The following WNK1 variants were observed in gnomAD, a reference collection of about 807,000 sequenced individuals.
The protein encoded by WNK1 is serine/threonine-protein kinase WNK1.
Under a neutral mutation model 222.8 loss-of-function variants are expected in WNK1, and 38 were observed. That is an observed-to-expected ratio of 0.17 (90% confidence interval 0.13 to 0.22). The LOEUF (loss-of-function observed/expected upper bound fraction) is 0.22. Ranked by LOEUF, WNK1 falls within the 10% of genes least tolerant of loss-of-function variation. The pLI, the probability that WNK1 is intolerant of heterozygous loss-of-function variation, is 1.00. For missense variants in WNK1, 2,348 were observed against 2,918.4 expected (o/e 0.80, Z 4.50); for synonymous variants, 1,090 against 1,092.9 (o/e 1.00, Z 0.05).
chr12:908,765 C>T lies in WNK1; in HGVS notation c.7122C>T (p.Pro2374=). The change falls in exon 28 of 28, where the codon CCC becomes CCT. Residue 2374 remains proline (P), a synonymous_variant. Transcript: ENST00000315939. Reference sequence around the variant, plus strand: ...ATTTGCAGAAATCCATCAGCAACCCCCCAGGCTCCAACCTGCGGACCACTT... The same window carrying T: ...ATTTGCAGAAATCCATCAGCAACCCTCCAGGCTCCAACCTGCGGACCACTT... ...ISNLQKSISN[P]PGSNLRTT The T allele has an allele frequency of 1.9e-6, 3 of 1,613,830 alleles. No individual in the cohort carries two copies.
intron 1 of WNK1, among the ~76,000 whole-genome samples, chr12:771,557 C>G (rs1326261741): frequency 6.6e-6 from 1 of 152,128 alleles, no homozygotes; most frequent in African/African-American, 2.4e-5. Flanking sequence ...GACCCAGCCT[C>G]CTGAGTAGCT....
chr12:831,712 A>G (rs1302045119), intron 4 of WNK1, among the ~76,000 whole-genome samples: 2 of 152,040 alleles, frequency 1.3e-5, no homozygotes, highest in Non-Finnish European at 2.9e-5. Flanking sequence ...ATGAATTAAC[A>G]TTTTTAAACT....
chr12:911,315 C>G lies in WNK1; in HGVS notation c.*2523C>G. On this transcript the variant is annotated 3_prime_UTR_variant, in exon 28 of 28. Coordinates refer to ENST00000315939, the MANE Select transcript of WNK1 (RefSeq NM_018979.4). ...AAAAATTCAAACTTTGGGGGTTTCTCAGCAGCCGTTAATTGTACATTTTGC... is the reference window on the plus strand; with the variant it reads ...AAAAATTCAAACTTTGGGGGTTTCTGAGCAGCCGTTAATTGTACATTTTGC... 5.0e-6 allele frequency: 2 copies of G among 398,556 alleles called. No individual in the cohort carries two copies. The highest frequency in any genetic ancestry group is 8.8e-6 in the Non-Finnish European group (2 of 226,076). 24.7% of individuals were successfully genotyped at this position (398,556 alleles called of 1,614,324 possible).
chr12:810,993 C>T (rs986068289), intron 1 of WNK1, among the ~76,000 whole-genome samples: 1 of 151,942 alleles, frequency 6.6e-6, no homozygotes, highest in African/African-American at 2.4e-5. Context: ...AAGAAATGAA[C>T]GAAATGAATA....
At chr12:759,096 C>A (rs1399596563) in intron 1 of WNK1, among the ~76,000 whole-genome samples, 1 of 146,948 alleles carries the variant, frequency 6.8e-6, no homozygotes. Context: ...ACTGGGCTCT[C>A]ATTTTCAGAA....
At chr12:873,214 G>GT (rs1952310191) in intron 9 of WNK1, among the ~76,000 whole-genome samples, 1 of 152,110 alleles carries the variant, frequency 6.6e-6, no homozygotes, top group African/African-American at 2.4e-5. Flanking sequence ...AAAGGAATTG[G>GT]TTATCTGTCT....
intron 1 of WNK1, among the ~76,000 whole-genome samples, chr12:794,891 A>T (rs1030269169): frequency 1.3e-5 from 2 of 152,216 alleles, no homozygotes; most frequent in Non-Finnish European, 2.9e-5. Context: ...AGCTAAGACT[A>T]TGGGTGCGTA....
chr12:762,626 T>C (rs1190000333), intron 1 of WNK1, among the ~76,000 whole-genome samples: 1 of 147,338 alleles, frequency 6.8e-6, no homozygotes, highest in Non-Finnish European at 1.5e-5. Context: ...GAGAAGTTAA[T>C]TGGTTAGATT....
chr12:772,105 A>G (rs1215316461), intron 1 of WNK1, among the ~76,000 whole-genome samples: 1 of 152,198 alleles, frequency 6.6e-6, no homozygotes, highest in Non-Finnish European at 1.5e-5. Flanking sequence ...TTCATACACA[A>G]AAAAGATGCT....
At chr12:859,491 T>C (rs1242967454) in intron 6 of WNK1, 27 bp downstream of exon 6, 2 of 1,566,112 alleles carry the variant, frequency 1.3e-6, no homozygotes, top group South Asian at 1.1e-5. Context: ...CATTTTAAAA[T>C]TGATTTAGAC....
intron 1 of WNK1, among the ~76,000 whole-genome samples, chr12:802,127 G>T (rs1213824678): frequency 6.6e-6 from 1 of 152,090 alleles, no homozygotes; most frequent in Non-Finnish European, 1.5e-5. Context: ...TCCAAAATAT[G>T]GTACATATAC....
At chr12:845,142 G>A (rs904373672) in intron 4 of WNK1, among the ~76,000 whole-genome samples, 63 of 151,906 alleles carry the variant, frequency 4.1e-4, no homozygotes, top group African/African-American at 1.4e-3. Flanking sequence ...TGATCCGCCC[G>A]CCTCAGCCTC....
intron 4 of WNK1, among the ~76,000 whole-genome samples, chr12:852,291 A>G (rs1473746923): frequency 6.6e-6 from 1 of 152,178 alleles, no homozygotes; most frequent in Non-Finnish European, 1.5e-5. Flanking sequence ...TCGGACTCTC[A>G]ATGTGCTATT....
Position 827,609 on chromosome 12 carries a change from A to T in WNK1, c.1153+347A>T. On this transcript the variant is annotated intron_variant, in intron 3 of 27. Transcript: ENST00000315939. This position sits in a 1 kb window ranked among gnomAD's most constrained non-coding sequence, Gnocchi z 4.6. ...AGTGGCACAATCTCAGCTCACTGCA[A>T]CCTCCACCCACCGGGTTCAAGCGAT... is the stretch of plus-strand genomic sequence containing the variant. The T allele has an allele frequency of 3.7e-6, 1 of 269,384 alleles. No individual in the cohort carries two copies. The highest frequency in any genetic ancestry group is 7.2e-5 in the South Asian group (1 of 13,906). The allele number at this position is 269,384 out of a possible 1,614,324, so 16.7% of individuals were successfully genotyped here.
intron 4 of WNK1, among the ~76,000 whole-genome samples, chr12:852,035 A>G (rs779752645): frequency 1.3e-5 from 2 of 152,144 alleles, no homozygotes; most frequent in Non-Finnish European, 2.9e-5. Flanking sequence ...GTTAATGTTA[A>G]TGTTACCCTA....
In WNK1 at chr12:764,831, A is replaced by G. The variant is rs746873623; in HGVS notation, c.759+10507A>G. 1.1e-4 allele frequency among the ~76,000 whole-genome samples: 16 copies of G among 147,262 alleles called. 2 individuals are homozygous for G. Among genetic ancestry groups the G allele is most frequent in the Non-Finnish European group, 2.3e-4 (15 of 65,898 alleles). On this transcript the variant is annotated intron_variant, in intron 1 of 27. Transcript: ENST00000315939. Reference sequence around the variant, plus strand: ...GCCCTAGATTTCTGCACTGTTCACTATCTAATACAATATCCACCAGCCTCA... The same window carrying G: ...GCCCTAGATTTCTGCACTGTTCACTGTCTAATACAATATCCACCAGCCTCA...
At chr12:800,963 C>G (rs949391285) in intron 1 of WNK1, among the ~76,000 whole-genome samples, 1 of 152,150 alleles carries the variant, frequency 6.6e-6, no homozygotes, top group Non-Finnish European at 1.5e-5. Flanking sequence ...TGTCTCATTT[C>G]TGCTTTACTG....
chr12:883,673 C>A (rs180688701), intron 16 of WNK1, 101 bp from the exon 17 acceptor site: 2 of 1,594,254 alleles, frequency 1.3e-6, no homozygotes, highest in East Asian at 4.5e-5. Flanking sequence ...CACCCATGAC[C>A]GACAACAAAC....
intron 1 of WNK1, among the ~76,000 whole-genome samples, chr12:768,959 A>G (rs1942117550): frequency 2.7e-5 from 4 of 150,826 alleles, no homozygotes; most frequent in Admixed American, 2.6e-4. Context: ...ACAGGCACGC[A>G]CCACCACACC....
Sources: allele counts gnomAD v4.1 joint callset (sites outside exome capture counted in the v4.1 genomes callset), GRCh38; gene constraint gnomAD v4.1.1; non-coding constraint Gnocchi (gnomAD v3.1); transcripts MANE v1.5; gene names NCBI Gene and HGNC (gene_info 2026-07-23, HGNC 2026-07-21).